Variants in PHACTR3 observed in about 807,000 individuals in gnomAD.
PHACTR3 encodes the protein phosphatase and actin regulator 3.
Under a neutral mutation model 66.8 loss-of-function variants are expected in PHACTR3, and 16 were observed. That is an observed-to-expected ratio of 0.24 (90% CI 0.16 to 0.36). PHACTR3 has a LOEUF of 0.36. Ranked by LOEUF, PHACTR3 falls within the 10% of genes least tolerant of loss-of-function variation. PHACTR3 has a pLI of 1.00. For missense variants in PHACTR3, 647 were observed against 719.9 expected (o/e 0.90, Z 1.16); for synonymous variants, 323 against 292.1 (o/e 1.11, Z -1.08).
In PHACTR3 at chr20:59,806,032, G is replaced by A. The variant is rs1298751727; in HGVS notation, c.1175-9G>A. The A allele has an allele frequency of 1.2e-6, 2 of 1,612,474 alleles. No homozygotes were observed. Among genetic ancestry groups the A allele is most frequent in the Non-Finnish European group, 1.7e-6 (2 of 1,179,294 alleles). On this transcript the variant is annotated splice_polypyrimidine_tract_variant and intron_variant, in intron 7 of 12. Transcript: ENST00000371015. Reference sequence around the variant, plus strand: ...CCTTCTCTCCTCTTGCCCTGGATGGGGCTTTTAGGAACACTGCCACGGAAA... The same window carrying A: ...CCTTCTCTCCTCTTGCCCTGGATGGAGCTTTTAGGAACACTGCCACGGAAA...
intron 1 of PHACTR3, among the ~76,000 whole-genome samples, chr20:59,644,412 T>G (rs1302677129): frequency 6.6e-6 from 1 of 152,236 alleles, no homozygotes; most frequent in African/African-American, 2.4e-5. Flanking sequence ...GTTGTTCAGT[T>G]TCAACACTAT....
intron 1 of PHACTR3, among the ~76,000 whole-genome samples, chr20:59,726,431 A>G (rs939761540): frequency 7.9e-5 from 12 of 152,128 alleles, no homozygotes; most frequent in African/African-American, 2.9e-4. Flanking sequence ...TCCCCATGAC[A>G]CTGGGCCTCC....
At chr20:59,618,904 G>A (rs779373083) in intron 1 of PHACTR3, among the ~76,000 whole-genome samples, 3 of 152,198 alleles carry the variant, frequency 2.0e-5, no homozygotes, top group Non-Finnish European at 4.4e-5. Flanking sequence ...CAGGATACTC[G>A]GAGAGATTGC....
intron 8 of PHACTR3, among the ~76,000 whole-genome samples, chr20:59,826,006 G>A (rs925633959): frequency 4.6e-5 from 7 of 152,132 alleles, no homozygotes; most frequent in African/African-American, 7.2e-5. Context: ...GGTCCTCCCC[G>A]GATGCCGAAT....
In PHACTR3 at chr20:59,674,377, CCTTCCCCTTCTCCTGTTCCTCCTTCTCCT is replaced by C. The variant is rs1431225477; in HGVS notation, c.119-68729_119-68701del. 4.2e-5 allele frequency among the ~76,000 whole-genome samples: 6 copies of C among 141,848 alleles called. No individual in the cohort carries two copies. The East Asian group carries it at 6.5e-4, about 15-fold the overall frequency. The allele number at this position is 141,848 out of a possible 152,430, so 93.1% of individuals were successfully genotyped here. A position where few individuals can be genotyped will look rare whatever the true frequency, so the allele number is the denominator to read the frequency against. On this transcript the variant is annotated intron_variant, in intron 1 of 12. Coordinates refer to ENST00000371015, the MANE Select transcript of PHACTR3 (RefSeq NM_080672.5). ...TCTGCCCTCTTCCCCTTCTCCTGTTCCTTCCCCTTCTCCTGTTCCTCCTTCTCCTGTTCCTTCCCCTTCTCCTGTCCCCC... is the reference window on the plus strand; with the variant it reads ...TCTGCCCTCTTCCCCTTCTCCTGTTCGTTCCTTCCCCTTCTCCTGTCCCCC...
rs189912641 is a variant in PHACTR3 at position 59,753,033 on chromosome 20, T to C, written c.359-2149T>C. 4.6e-5 allele frequency among the ~76,000 whole-genome samples: 7 copies of C among 152,272 alleles called. No individual in the cohort carries two copies. In the East Asian group the frequency reaches 1.4e-3, roughly 29 times the overall value. Reference sequence around the variant, plus strand: ...ATTTTGTCTACTCGGTGAGCTCTCTTGGCTTGTATCTGGGTTGGTGGGCTG... The same window carrying C: ...ATTTTGTCTACTCGGTGAGCTCTCTCGGCTTGTATCTGGGTTGGTGGGCTG... On this transcript the variant is annotated intron_variant, in intron 3 of 12. Transcript: ENST00000371015.
At chr20:59,629,376 C>T (rs1461363660) in intron 1 of PHACTR3, among the ~76,000 whole-genome samples, 1 of 152,252 alleles carries the variant, frequency 6.6e-6, no homozygotes, top group African/African-American at 2.4e-5. Context: ...CCTTCTCCCT[C>T]CGCTGTTCTG....
At chr20:59,845,932 T>C (rs963496420) in intron 12 of PHACTR3, among the ~76,000 whole-genome samples, 1 of 152,154 alleles carries the variant, frequency 6.6e-6, no homozygotes, top group East Asian at 1.9e-4. Context: ...GATGACGAAG[T>C]TGGGAAAAGA....
intron 4 of PHACTR3, among the ~76,000 whole-genome samples, chr20:59,763,354 C>A (rs1325254198): frequency 2.5e-4 from 38 of 152,204 alleles, no homozygotes; most frequent in Admixed American, 2.5e-3. Flanking sequence ...CAGTCTTGGG[C>A]AGTTATTTTT....
In PHACTR3 at chr20:59,645,513, GCTAAAGCGCTGGCCCCTGCCAGCCTGGAC is replaced by G. The variant is rs528060611; in HGVS notation, c.118+40384_118+40412del. On this transcript the variant is annotated intron_variant, in intron 1 of 12. Coordinates refer to ENST00000371015, the MANE Select transcript of PHACTR3 (RefSeq NM_080672.5). ...CACACTGCCCTCCCTGGCCTCGGAG[GCTAAAGCGCTGGCCCCTGCCAGCCTGGAC>G]CTCTCCTCGTCCTGCTTGATTTGAT... is the stretch of plus-strand genomic sequence containing the variant. 2.0e-3 allele frequency among the ~76,000 whole-genome samples: 307 copies of G among 152,216 alleles called. 8 individuals are homozygous for G. The highest frequency in any genetic ancestry group is 1.3e-3 in the Non-Finnish European group (88 of 68,008).
intron 7 of PHACTR3, among the ~76,000 whole-genome samples, chr20:59,799,175 T>G (rs2041342133): frequency 1.1e-5 from 1 of 93,000 alleles, no homozygotes; most frequent in African/African-American, 4.4e-5. Flanking sequence ...CCTTTGGCAT[T>G]TATTGAAGCT....
chr20:59,692,164 A>G (rs751399003), intron 1 of PHACTR3, among the ~76,000 whole-genome samples: 5 of 152,202 alleles, frequency 3.3e-5, no homozygotes, highest in African/African-American at 4.8e-5. Context: ...TCTTGTGGGG[A>G]AAATCTTACA....
chr20:59,762,862 C>T lies in PHACTR3; in HGVS notation c.542-4324C>T, dbSNP rs377120793. 5.3e-5 allele frequency among the ~76,000 whole-genome samples: 8 copies of T among 152,094 alleles called. No homozygotes were observed. The South Asian group carries it at 1.0e-3, about 20-fold the overall frequency. On this transcript the variant is annotated intron_variant, in intron 4 of 12. Coordinates refer to ENST00000371015, the MANE Select transcript of PHACTR3 (RefSeq NM_080672.5). ...CGTGGGTATTTCTGAGAAATATTTT[C>T]GAAGTAGAGTTCGTGAGACTTGCCT...
chr20:59,743,728 C>A (rs1032920832), intron 2 of PHACTR3, among the ~76,000 whole-genome samples: 10 of 152,344 alleles, frequency 6.6e-5, no homozygotes, highest in Non-Finnish European at 5.9e-5. Context: ...GTCGTACCCC[C>A]ACAGATGCAG....
intron 1 of PHACTR3, among the ~76,000 whole-genome samples, chr20:59,668,989 C>A (rs2036099572): frequency 6.6e-6 from 1 of 151,974 alleles, no homozygotes; most frequent in Non-Finnish European, 1.5e-5. Flanking sequence ...CTTAAATGAT[C>A]CTCCCACCTT....
intron 11 of PHACTR3, chr20:59,844,283 A>G (rs954934948): frequency 6.6e-6 from 1 of 152,114 alleles, no homozygotes; most frequent in Admixed American, 6.5e-5. Context: ...TTTAAAAACT[A>G]TATGATCCAG....
At chr20:59,586,966 A>G (rs1161100846) in intron 1 of PHACTR3, among the ~76,000 whole-genome samples, 3 of 152,306 alleles carry the variant, frequency 2.0e-5, no homozygotes, top group Middle Eastern at 3.4e-3. Flanking sequence ...TTTATATTAT[A>G]TCCCATTGGT....
At chr20:59,655,567 A>T (rs1225663428) in intron 1 of PHACTR3, among the ~76,000 whole-genome samples, 7 of 151,870 alleles carry the variant, frequency 4.6e-5, no homozygotes, top group African/African-American at 1.7e-4. Flanking sequence ...CTAGCTAAAG[A>T]TTTATAAGTT....
intron 1 of PHACTR3, among the ~76,000 whole-genome samples, chr20:59,637,071 C>A (rs1335646412): frequency 6.6e-6 from 1 of 152,220 alleles, no homozygotes; most frequent in Non-Finnish European, 1.5e-5. Flanking sequence ...GCAACCTGCT[C>A]CTCAGGCTCC....
Sources: gnomAD v4.1 joint callset for allele counts (sites outside exome capture counted in the v4.1 genomes callset) on GRCh38, gnomAD v4.1.1 for gene constraint, MANE v1.5 for transcripts, NCBI Gene and HGNC (gene_info 2026-07-23, HGNC 2026-07-21) for gene names.